Variants in PRKCH observed in about 807,000 individuals in gnomAD.
PRKCH encodes protein kinase C eta, also known as protein kinase C eta type.
PRKCH carries 28 observed loss-of-function variants against 82.5 expected under a neutral mutation model. The observed-to-expected ratio is 0.34, with a 90% CI of 0.25 to 0.47. The LOEUF (loss-of-function observed/expected upper bound fraction) is 0.47, where lower values mean the gene tolerates loss of function less well. PRKCH is among the 20% of genes least tolerant of loss of function. PRKCH has a pLI of 1.00. For synonymous variants in PRKCH, 322 were observed against 327.4 expected (o/e 0.98, Z 0.18); for missense variants, 705 against 881.8 (o/e 0.80, Z 2.54).
chr14:61,302,084 G>A (rs1227921314), intron 1 of PRKCH, among the ~76,000 whole-genome samples: 1 of 152,044 alleles, frequency 6.6e-6, no homozygotes, highest in East Asian at 1.9e-4. Flanking sequence ...TTCTTCTTGT[G>A]TCAGATTTTT....
intron 1 of PRKCH, among the ~76,000 whole-genome samples, chr14:61,199,733 G>A (rs1404682919): frequency 2.6e-5 from 4 of 152,114 alleles, no homozygotes; most frequent in Non-Finnish European, 4.4e-5. Flanking sequence ...AACATCAGGC[G>A]CTAGTTCCCC....
intron 1 of PRKCH, among the ~76,000 whole-genome samples, chr14:61,358,456 C>T (rs2046180137): frequency 6.6e-6 from 1 of 152,172 alleles, no homozygotes; most frequent in African/African-American, 2.4e-5. Context: ...TCACTGTTTA[C>T]TTCTTCCTTC....
chr14:61,233,021 C>T (rs561779226), intron 1 of PRKCH, among the ~76,000 whole-genome samples: 6 of 152,312 alleles, frequency 3.9e-5, no homozygotes, highest in South Asian at 2.1e-4. Context: ...ACACCGATCT[C>T]TTACATCAAA....
At chr14:61,333,240 T>C (rs982156275) in intron 1 of PRKCH, among the ~76,000 whole-genome samples, 1 of 152,178 alleles carries the variant, frequency 6.6e-6, no homozygotes, top group Non-Finnish European at 1.5e-5. Context: ...TAGACCCTTT[T>C]AGAGATGATG....
At chr14:61,212,368 T>A (rs1178712785) in intron 1 of PRKCH, among the ~76,000 whole-genome samples, 1 of 152,208 alleles carries the variant, frequency 6.6e-6, no homozygotes, top group Non-Finnish European at 1.5e-5. Context: ...AAGTATCAAT[T>A]TTCAGAGATT....
At chr14:61,475,509 TGA>T (rs1489155417) in intron 9 of PRKCH, among the ~76,000 whole-genome samples, 1 of 152,194 alleles carries the variant, frequency 6.6e-6, no homozygotes, top group Non-Finnish European at 1.5e-5. Context: ...TCATCTCCAC[TGA>T]GAGATGCCTG....
chr14:61,356,354 G>A (rs1025357752), intron 1 of PRKCH, among the ~76,000 whole-genome samples: 1 of 152,132 alleles, frequency 6.6e-6, no homozygotes, highest in Non-Finnish European at 1.5e-5. Context: ...TAATCCAGAT[G>A]GTTTGTGATC....
At chr14:61,547,719 A>C in intron 12 of PRKCH, 24 bp from the exon 13 acceptor site, 1 of 1,605,114 alleles carries the variant, frequency 6.2e-7, no homozygotes, top group Non-Finnish European at 8.5e-7. Context: ...TGAATGATTG[A>C]CACTTTCTCT....
At chr14:61,449,310 C>T (rs1324897544) in intron 5 of PRKCH, 58 bp downstream of exon 5, 25 of 1,425,984 alleles carry the variant, frequency 1.8e-5, no homozygotes, top group East Asian at 1.2e-4. Context: ...TGCTGTGTAC[C>T]GCCGTCTCTC....
intron 10 of PRKCH, among the ~76,000 whole-genome samples, chr14:61,510,386 G>A (rs564133833): frequency 6.6e-6 from 1 of 152,166 alleles, no homozygotes; most frequent in South Asian, 2.1e-4. Flanking sequence ...AACAGTCACA[G>A]CTTGGGGCAA....
chr14:61,280,297 C>T lies in PRKCH; in HGVS notation c.-19+92629C>T. The T allele has an allele frequency of 6.2e-7, 1 of 1,613,878 alleles. No homozygotes were observed. ...CGGGTAGTTGTAGGTGATGTTGACG[C>T]GGTAGGCGCCCCGCGGCAGCCCGGC... is the stretch of plus-strand genomic sequence containing the variant. On this transcript the variant is annotated intron_variant, in intron 1 of 3. Transcript: ENST00000555185. This position sits in a 1 kb window ranked among gnomAD's most constrained non-coding sequence, Gnocchi z 5.0.
intron 10 of PRKCH, among the ~76,000 whole-genome samples, chr14:61,488,929 C>T (rs568494750): frequency 6.6e-6 from 1 of 152,190 alleles, no homozygotes; most frequent in African/African-American, 2.4e-5. Context: ...TGTTCAGGCT[C>T]TAACTGATAT....
chr14:61,453,035 CTGCAGAA>C, intron 6 of PRKCH, 184 bp from the exon 7 acceptor site: 1 of 645,880 alleles, frequency 1.5e-6, no homozygotes, highest in East Asian at 2.8e-5. Context: ...CTTTCTGCTT[CTGCAGAA>C]AACAGAAATA....
chr14:61,350,158 C>G (rs1451219040), intron 1 of PRKCH, among the ~76,000 whole-genome samples: 2 of 152,126 alleles, frequency 1.3e-5, no homozygotes, highest in Admixed American at 6.6e-5. Context: ...ATATTTGCCC[C>G]CATTGTATTG....
chr14:61,328,432 G>A (rs181686566), intron 1 of PRKCH, among the ~76,000 whole-genome samples: 4 of 126,326 alleles, frequency 3.2e-5, no homozygotes, highest in Admixed American at 8.8e-5. Flanking sequence ...TAATTTTCAC[G>A]CCCAAAATGT....
chr14:61,359,084 T>A (rs1453501260), intron 1 of PRKCH, among the ~76,000 whole-genome samples: 1 of 152,220 alleles, frequency 6.6e-6, no homozygotes, highest in Non-Finnish European at 1.5e-5. Context: ...AAACCATGTG[T>A]CATTCCACCT....
chr14:61,297,606 A>G (rs61158732), intron 1 of PRKCH, among the ~76,000 whole-genome samples: 34,892 of 152,160 alleles, frequency 0.23, 5,250 homozygotes, highest in African/African-American at 0.43. Flanking sequence ...ATAATTAGAT[A>G]TTAGATTCTC....
At chr14:61,400,153 C>G (rs1881534380) in intron 2 of PRKCH, among the ~76,000 whole-genome samples, 1 of 152,148 alleles carries the variant, frequency 6.6e-6, no homozygotes, top group Admixed American at 6.5e-5. Flanking sequence ...CAAATAATTA[C>G]GTTCTCTGCT....
At chr14:61,516,095 C>A (rs1260752253) in intron 10 of PRKCH, among the ~76,000 whole-genome samples, 3 of 152,150 alleles carry the variant, frequency 2.0e-5, no homozygotes, top group Non-Finnish European at 4.4e-5. Flanking sequence ...CGTAGCCTCA[C>A]AATATGCTGC....
Sources: gnomAD v4.1 joint callset for allele counts (sites outside exome capture counted in the v4.1 genomes callset) on GRCh38, gnomAD v4.1.1 for gene constraint, Gnocchi (gnomAD v3.1) non-coding constraint, MANE v1.5 for transcripts, NCBI Gene and HGNC (gene_info 2026-07-23, HGNC 2026-07-21) for gene names.